SNX29: variants seen among roughly 807,000 people sequenced by gnomAD.
SNX29 encodes sorting nexin 29.
In SNX29, 78 loss-of-function variants were observed where a neutral mutation model predicts 102.1. The observed-to-expected ratio is 0.76, with a 90% CI of 0.64 to 0.92. The LOEUF is 0.92. Among genes scored for constraint, SNX29 ranks in the 40% least tolerant of loss-of-function variants. The pLI, the probability that SNX29 is intolerant of heterozygous loss-of-function variation, is 0.00. For synonymous variants in SNX29, 580 were observed against 414.5 expected, an observed-to-expected ratio of 1.40 and a Z score of -4.85; for missense variants, 1,280 against 1,061.7, an observed-to-expected ratio of 1.21 and a Z score of -2.86.
intron 19 of SNX29, among the ~76,000 whole-genome samples, chr16:12,521,224 C>T (rs1020300983): frequency 2.0e-5 from 3 of 152,052 alleles, no homozygotes; most frequent in African/African-American, 7.2e-5. Context: ...GTTCATGTAA[C>T]CAGAAATCAC....
intron 15 of SNX29, among the ~76,000 whole-genome samples, chr16:12,353,490 C>G (rs7200680): frequency 7.1e-6 from 1 of 141,028 alleles, no homozygotes. Flanking sequence ...ATTTCATAGA[C>G]GCACAGCCAC....
intron 11 of SNX29, among the ~76,000 whole-genome samples, chr16:12,099,071 G>A (rs1007484507): frequency 4.6e-5 from 7 of 152,210 alleles, no homozygotes; most frequent in African/African-American, 1.7e-4. Flanking sequence ...CCAGCACAGA[G>A]CACTTCATGA....
intron 20 of SNX29, among the ~76,000 whole-genome samples, chr16:12,557,925 G>A (rs1245933264): frequency 1.3e-5 from 2 of 152,164 alleles, no homozygotes; most frequent in East Asian, 1.9e-4. Flanking sequence ...AGGGCAGGCA[G>A]GCTGCTATTT....
At chr16:12,282,712 A>G (rs775454019) in intron 15 of SNX29, among the ~76,000 whole-genome samples, 1 of 152,012 alleles carries the variant, frequency 6.6e-6, no homozygotes, top group Non-Finnish European at 1.5e-5. Context: ...CTGGAGTGCA[A>G]TTGCCTGATC....
chr16:12,385,559 C>T (rs1461806554), intron 16 of SNX29, among the ~76,000 whole-genome samples: 1 of 152,220 alleles, frequency 6.6e-6, no homozygotes, highest in Non-Finnish European at 1.5e-5. Context: ...GCAGCCTCTG[C>T]TCTCTGCCAG....
intron 19 of SNX29, among the ~76,000 whole-genome samples, chr16:12,493,977 T>C (rs757325860): frequency 6.6e-6 from 1 of 152,236 alleles, no homozygotes; most frequent in Admixed American, 6.5e-5. Flanking sequence ...GATTTCTTCT[T>C]CCCTTTCTTG....
At chr16:12,441,175 C>T (rs1259650672) in intron 18 of SNX29, among the ~76,000 whole-genome samples, 1 of 151,352 alleles carries the variant, frequency 6.6e-6, no homozygotes, top group African/African-American at 2.4e-5. Context: ...GCAAGCTCCG[C>T]CTCCTGGGTT....
At chr16:12,497,310 C>T (rs779601220) in intron 19 of SNX29, among the ~76,000 whole-genome samples, 1 of 152,242 alleles carries the variant, frequency 6.6e-6, no homozygotes, top group Non-Finnish European at 1.5e-5. Context: ...ATCTATCATA[C>T]ACCAAGTCTC....
intron 18 of SNX29, among the ~76,000 whole-genome samples, chr16:12,472,161 C>T (rs1370260414): frequency 6.6e-6 from 1 of 152,162 alleles, no homozygotes; most frequent in East Asian, 1.9e-4. Flanking sequence ...ATCTCACGTC[C>T]ACAGTACTGA....
intron 14 of SNX29, among the ~76,000 whole-genome samples, chr16:12,240,374 G>A (rs1346589092): frequency 6.6e-6 from 1 of 152,098 alleles, no homozygotes; most frequent in African/African-American, 2.4e-5. Context: ...TGTCATTTTA[G>A]TTGCTAATTT....
rs374473805 is a variant in SNX29 at position 12,403,494 on chromosome 16, C to T, written c.2002C>T (p.Arg668Trp). The change falls in exon 18 of 21, where the codon CGG becomes TGG. Residue 668 changes from arginine to tryptophan, a missense_variant. By Grantham distance (101) the Arg-to-Trp change is moderately radical. Coordinates refer to ENST00000566228, the MANE Select transcript of SNX29 (RefSeq NM_032167.5). ...CGTCTGGATCCCCTCAGTGTTTCTC[C>T]GGGGCAAAGCAGCAAATGCATTCCA... Reference protein sequence around the residue: ...INVWIPSVFLRGKAANAFHVY... With the variant: ...INVWIPSVFLWGKAANAFHVY... 2.3e-5 allele frequency: 37 copies of T among 1,608,168 alleles called. No homozygotes were observed. Among genetic ancestry groups the T allele is most frequent in the African/African-American group, 5.3e-5 (4 of 74,886 alleles).
chr16:12,568,989 A>C lies in SNX29; in HGVS notation c.*360A>C, dbSNP rs1455931827. ...GCGCCATGGTTGAGAGGCAAAGGTG[A>C]TCCCCTATATAGGAAGGTTCATGCA... On this transcript the variant is annotated 3_prime_UTR_variant, in exon 21 of 21. Coordinates refer to ENST00000566228, the MANE Select transcript of SNX29 (RefSeq NM_032167.5). The C allele has an allele frequency of 3.1e-6, 1 of 323,714 alleles. No homozygotes were observed. The highest frequency in any genetic ancestry group is 5.7e-6 in the Non-Finnish European group (1 of 175,902). The allele number at this position is 323,714 out of a possible 1,614,324, so 20.1% of individuals were successfully genotyped here.
At chr16:12,139,874 AG>A (rs2054805068) in intron 13 of SNX29, among the ~76,000 whole-genome samples, 1 of 147,816 alleles carries the variant, frequency 6.8e-6, no homozygotes. Context: ...CCAGCTACTC[AG>A]GAGGCTGAGG....
rs1469259145 is a variant in SNX29 at position 12,098,037 on chromosome 16, G to A, written c.1402+19122G>A. On this transcript the variant is annotated intron_variant, in intron 11 of 20. Transcript: ENST00000566228. The surrounding 1 kb of genome is among the most constrained non-coding windows in gnomAD (Gnocchi z 6.0). ...CCTGGCTTTGCCATTTACTTTGTCC[G>A]TTTCCTTATTTCCAAAAGGAGGTGA... Among the ~76,000 whole-genome samples, 1 of 152,194 alleles carries A rather than the reference G, an allele frequency of 6.6e-6. No individual in the cohort carries two copies. The highest frequency in any genetic ancestry group is 1.5e-5 in the Non-Finnish European group (1 of 68,038).
chr16:12,060,689 G>T (rs1047026515), intron 8 of SNX29: 4 of 438,852 alleles, frequency 9.1e-6, no homozygotes, highest in Admixed American at 2.5e-5. Context: ...GATACTGGGG[G>T]ACGGCTATAC....
chr16:12,042,958 C>T lies in SNX29; in HGVS notation c.309C>T (p.Tyr103=), dbSNP rs552088763. The change falls in exon 5 of 21, where the codon TAC becomes TAT. Residue 103 remains tyrosine, a synonymous_variant. Transcript: ENST00000566228. ...VLNKHELQRF[Y]SLRHIASDVG... ...ACAAGCACGAGCTGCAGCGCTTCTA[C>T]TCCCTGCGCCACATCGCCTCAGACG... The T allele has an allele frequency of 1.5e-5, 24 of 1,613,914 alleles. No individual in the cohort carries two copies. In the South Asian group the frequency reaches 2.5e-4, roughly 17 times the overall value.
chr16:12,251,548 C>A (rs1029887596), intron 14 of SNX29, among the ~76,000 whole-genome samples: 1 of 151,926 alleles, frequency 6.6e-6, no homozygotes, highest in Non-Finnish European at 1.5e-5. Context: ...ACTACAAATA[C>A]AAAAATTAGC....
rs114682141 is a variant in SNX29, at chr16:12,169,863, C to T, written c.1596-29738C>T. Among the ~76,000 whole-genome samples, 509 of 152,028 alleles carry T rather than the reference C, an allele frequency of 3.3e-3. 2 individuals carry two copies. Among genetic ancestry groups the T allele is most frequent in the African/African-American group, 0.012 (499 of 41,512 alleles). On this transcript the variant is annotated intron_variant, in intron 13 of 20. Transcript: ENST00000566228. Reference sequence around the variant, plus strand: ...GGGACCATCCAGGGTTCAACAGCCGCCTCCTGGGTTCAAGTGATTATCCTG... The same window carrying T: ...GGGACCATCCAGGGTTCAACAGCCGTCTCCTGGGTTCAAGTGATTATCCTG...
intron 13 of SNX29, among the ~76,000 whole-genome samples, chr16:12,163,746 G>A (rs1005898146): frequency 6.6e-6 from 1 of 152,338 alleles, no homozygotes; most frequent in Middle Eastern, 3.4e-3. Flanking sequence ...GCTGAGGACT[G>A]TTCCCTGCCT....
Sources: gnomAD v4.1 joint callset for allele counts (sites outside exome capture counted in the v4.1 genomes callset) on GRCh38, gnomAD v4.1.1 for gene constraint, Gnocchi (gnomAD v3.1) non-coding constraint, MANE v1.5 for transcripts, NCBI Gene and HGNC (gene_info 2026-07-23, HGNC 2026-07-21) for gene names.